Variants in NEXMIF observed in about 807,000 individuals in gnomAD.
The protein encoded by NEXMIF is XLMR protein related to neurite extension.
NEXMIF carries 8 observed loss-of-function variants against 62.1 expected under a neutral mutation model. The ratio of observed to expected loss-of-function variants is 0.13; its 90% confidence interval spans 0.08 to 0.23. The LOEUF (loss-of-function observed/expected upper bound fraction) is 0.23, where lower values mean the gene tolerates loss of function less well. Ranked by LOEUF, NEXMIF falls within the 10% of genes least tolerant of loss-of-function variation. NEXMIF has a pLI of 1.00. For synonymous variants in NEXMIF, 404 were observed against 416.6 expected (o/e 0.97, Z 0.37); for missense variants, 976 against 1,113.3 (o/e 0.88, Z 1.75).
chrX:74,788,766 T>C (rs1381337166), intron 1 of NEXMIF, among the ~76,000 whole-genome samples: 2 of 110,473 alleles, frequency 1.8e-5, no homozygotes, highest in Admixed American at 9.7e-5. Context: ...AGGTATTTTA[T>C]TTCCTGAGTG....
chrX:74,867,264 A>G (rs901525266), intron 1 of NEXMIF, among the ~76,000 whole-genome samples: 14 of 112,089 alleles, frequency 1.2e-4, no homozygotes, highest in African/African-American at 4.2e-4. Flanking sequence ...TTCTTCACAA[A>G]AGTAGAAAAA....
chrX:74,833,424 T>C (rs976764787), intron 1 of NEXMIF, among the ~76,000 whole-genome samples: 2 of 112,034 alleles, frequency 1.8e-5, no homozygotes, highest in African/African-American at 6.5e-5. Context: ...TCCATTGGCA[T>C]GAAATATCTT....
intron 1 of NEXMIF, among the ~76,000 whole-genome samples, chrX:74,856,996 C>T (rs1250198558): frequency 8.9e-6 from 1 of 112,385 alleles, no homozygotes; most frequent in South Asian, 3.7e-4. Flanking sequence ...AAGGGAATCC[C>T]ATTTCCCAGC....
intron 1 of NEXMIF, among the ~76,000 whole-genome samples, chrX:74,877,966 C>T (rs959485235): frequency 5.9e-4 from 66 of 112,173 alleles, no homozygotes; most frequent in African/African-American, 2.1e-3. Context: ...GTAATTTGAT[C>T]GTCTGAAGCC....
At chrX:74,748,341 T>C (rs780880546) in intron 1 of NEXMIF, among the ~76,000 whole-genome samples, 1 of 112,108 alleles carries the variant, frequency 8.9e-6, no homozygotes, top group East Asian at 2.8e-4. Context: ...ATTTTTCAAA[T>C]CTCAGCTATA....
At chrX:74,923,034 A>G (rs1285030311) in intron 1 of NEXMIF, among the ~76,000 whole-genome samples, 1 of 111,904 alleles carries the variant, frequency 8.9e-6, no homozygotes, top group Non-Finnish European at 1.9e-5. Context: ...CAATCTATCT[A>G]GATTTTCGGG....
rs763599180 is a variant in NEXMIF at position 74,745,553 on chromosome X, T to C, written c.79+19A>G. The C allele has an allele frequency of 9.2e-7, 1 of 1,088,420 alleles. No homozygotes were observed. The allele number at this position is 1,088,420 out of a possible 1,213,427, so 89.7% of individuals were successfully genotyped here. ...ACTACCAGGAGAGATATTAATATAC[T>C]ATAATTAAATTCCCTTACCATTTTC... On this transcript the variant is annotated intron_variant, in intron 2 of 3. Transcript: ENST00000055682.
intron 1 of NEXMIF, among the ~76,000 whole-genome samples, chrX:74,852,036 A>C (rs1276886280): frequency 9.0e-6 from 1 of 111,519 alleles, no homozygotes; most frequent in Non-Finnish European, 1.9e-5. Flanking sequence ...TGGATTTAAA[A>C]AAAAATGACC....
intron 1 of NEXMIF, among the ~76,000 whole-genome samples, chrX:74,863,082 G>A (rs1253988128): frequency 9.2e-6 from 1 of 109,202 alleles, no homozygotes; most frequent in East Asian, 2.9e-4. Context: ...TGAGGCATGA[G>A]AATCACTTGA....
chrX:74,824,850 G>A (rs955745186), intron 1 of NEXMIF, among the ~76,000 whole-genome samples: 6 of 110,137 alleles, frequency 5.4e-5, no homozygotes, highest in Non-Finnish European at 1.1e-4. Flanking sequence ...GAGTTTCACC[G>A]TGTTAGCCAG....
intron 1 of NEXMIF, among the ~76,000 whole-genome samples, chrX:74,874,310 T>C (rs12384909): frequency 0.12 from 12,266 of 99,642 alleles, 1,512 homozygotes; most frequent in East Asian, 0.79. Flanking sequence ...TGTAGATATG[T>C]GGCATTATTT....
At chrX:74,796,930 G>A (rs1226248854) in intron 1 of NEXMIF, among the ~76,000 whole-genome samples, 5 of 111,804 alleles carry the variant, frequency 4.5e-5, no homozygotes, top group Non-Finnish European at 9.4e-5. Context: ...GCTTTACACT[G>A]CAAAAACATG....
At chrX:74,924,347 A>C (rs2080836485) in intron 1 of NEXMIF, among the ~76,000 whole-genome samples, 1 of 111,870 alleles carries the variant, frequency 8.9e-6, no homozygotes, top group Non-Finnish European at 1.9e-5. Context: ...CTCCAACTTA[A>C]ACCTGTCCGC....
rs140846115 is a variant in NEXMIF at position 74,886,997 on chromosome X, G to A, written c.-48+37886C>T. ...ACAGAGCCCTCAGAAATAATGCCGCGTATGTACAACTATCTGATCTTTGAC... is the reference window on the plus strand; with the variant it reads ...ACAGAGCCCTCAGAAATAATGCCGCATATGTACAACTATCTGATCTTTGAC... On this transcript the variant is annotated intron_variant, in intron 1 of 3. Transcript: ENST00000055682. Among the ~76,000 whole-genome samples the A allele has an allele frequency of 2.4e-4, 27 of 111,260 alleles. No individual in the cohort carries two copies. In the South Asian group the frequency reaches 2.6e-3, roughly 11 times the overall value.
At chrX:74,791,381 G>C (rs895371717) in intron 1 of NEXMIF, among the ~76,000 whole-genome samples, 1 of 111,528 alleles carries the variant, frequency 9.0e-6, no homozygotes, top group South Asian at 3.7e-4. Context: ...CGGTTTGCCA[G>C]TATTTTATTG....
chrX:74,886,520 G>A (rs2080694141), intron 1 of NEXMIF, among the ~76,000 whole-genome samples: 1 of 111,522 alleles, frequency 9.0e-6, no homozygotes, highest in South Asian at 3.8e-4. Context: ...CAAACAGAGA[G>A]CCAAATCATG....
chrX:74,859,378 T>A (rs1445229604), intron 1 of NEXMIF, among the ~76,000 whole-genome samples: 1 of 111,488 alleles, frequency 9.0e-6, no homozygotes, highest in Non-Finnish European at 1.9e-5. Context: ...TGACAGAAAA[T>A]AACTTTTACC....
intron 1 of NEXMIF, among the ~76,000 whole-genome samples, chrX:74,890,445 G>A (rs2080713986): frequency 9.1e-6 from 1 of 110,336 alleles, no homozygotes; most frequent in Non-Finnish European, 1.9e-5. Flanking sequence ...GAATATTAAG[G>A]AACCCAGGCA....
intron 1 of NEXMIF, among the ~76,000 whole-genome samples, chrX:74,901,499 T>C (rs1211696860): frequency 1.8e-5 from 2 of 112,118 alleles, no homozygotes; most frequent in African/African-American, 6.5e-5. Flanking sequence ...TTAGAAATGG[T>C]ACAGTTGCTG....
Sources: gnomAD v4.1 joint callset for allele counts (sites outside exome capture counted in the v4.1 genomes callset) on GRCh38, gnomAD v4.1.1 for gene constraint, MANE v1.5 for transcripts, NCBI Gene and HGNC (gene_info 2026-07-23, HGNC 2026-07-21) for gene names.